The following TAF3 variants were observed in gnomAD, a reference collection of about 807,000 sequenced individuals.
TAF3 encodes TATA-box binding protein associated factor 3.
Under a neutral mutation model 80.6 loss-of-function variants are expected in TAF3, and 7 were observed. The ratio of observed to expected loss-of-function variants is 0.09; its 90% confidence interval spans 0.05 to 0.16. The LOEUF (loss-of-function observed/expected upper bound fraction) is 0.16. TAF3 is among the 10% of genes least tolerant of loss of function. The pLI is 1.00. For synonymous variants in TAF3, 444 were observed against 446.1 expected (o/e 1.00, Z 0.06); for missense variants, 921 against 1,140.2 (o/e 0.81, Z 2.77).
At chr10:7,894,058 T>C (rs903008068) in intron 2 of TAF3, among the ~76,000 whole-genome samples, 1 of 152,222 alleles carries the variant, frequency 6.6e-6, no homozygotes, top group Admixed American at 6.5e-5. Context: ...ACATTTTGTT[T>C]TATTAGTACT....
intron 2 of TAF3, among the ~76,000 whole-genome samples, chr10:7,846,466 T>C (rs1836974004): frequency 6.6e-6 from 1 of 152,232 alleles, no homozygotes; most frequent in Admixed American, 6.5e-5. Flanking sequence ...GAAAGTGTTC[T>C]TAACCCTTGG....
intron 2 of TAF3, among the ~76,000 whole-genome samples, chr10:7,916,406 G>A (rs530657305): frequency 6.6e-6 from 1 of 152,324 alleles, no homozygotes; most frequent in Admixed American, 6.5e-5. Flanking sequence ...AGTTAGCTAT[G>A]AAGTTGGATA....
chr10:7,861,862 T>C (rs767212397), intron 2 of TAF3, among the ~76,000 whole-genome samples: 1 of 152,146 alleles, frequency 6.6e-6, no homozygotes, highest in Non-Finnish European at 1.5e-5. Flanking sequence ...AACTGGAAAG[T>C]TTTTAGCTAT....
chr10:7,943,126 G>T (rs1837992099), intron 2 of TAF3, among the ~76,000 whole-genome samples: 1 of 152,122 alleles, frequency 6.6e-6, no homozygotes, highest in African/African-American at 2.4e-5. Flanking sequence ...CCAATCCTGT[G>T]GTTCCGGTTC....
intron 2 of TAF3, among the ~76,000 whole-genome samples, chr10:7,826,188 C>G (rs1209943288): frequency 6.6e-6 from 1 of 152,154 alleles, no homozygotes; most frequent in Non-Finnish European, 1.5e-5. Flanking sequence ...TTTAGGTGCT[C>G]TGGATCTTAG....
chr10:7,835,009 G>C (rs965095016), intron 2 of TAF3, among the ~76,000 whole-genome samples: 15 of 152,244 alleles, frequency 9.9e-5, no homozygotes, highest in African/African-American at 3.4e-4. Context: ...GTTTTTTCGA[G>C]TGTGTGTTTC....
chr10:7,953,365 T>G (rs979814799), intron 2 of TAF3, among the ~76,000 whole-genome samples: 1 of 152,044 alleles, frequency 6.6e-6, no homozygotes, highest in Non-Finnish European at 1.5e-5. Context: ...GGGGCAGGAG[T>G]AGCTCTGTCC....
chr10:7,845,738 T>C (rs1224898814), intron 2 of TAF3, among the ~76,000 whole-genome samples: 1 of 152,202 alleles, frequency 6.6e-6, no homozygotes, highest in Non-Finnish European at 1.5e-5. Flanking sequence ...TCATTTTCAA[T>C]TGGCCGTGTG....
chr10:7,950,396 C>T (rs889213077), intron 2 of TAF3, among the ~76,000 whole-genome samples: 4 of 151,864 alleles, frequency 2.6e-5, no homozygotes, highest in Non-Finnish European at 4.4e-5. Context: ...TTGTGTGTCT[C>T]GAGCAGAAAG....
intron 2 of TAF3, among the ~76,000 whole-genome samples, chr10:7,954,386 A>G (rs1402619898): frequency 8.3e-6 from 1 of 121,164 alleles, no homozygotes; most frequent in African/African-American, 2.8e-5. Flanking sequence ...AGTGCACTCC[A>G]TAGGCAAATG....
At chr10:7,873,605 A>G (rs1392991876) in intron 2 of TAF3, among the ~76,000 whole-genome samples, 1 of 134,606 alleles carries the variant, frequency 7.4e-6, no homozygotes, top group Non-Finnish European at 1.6e-5. Context: ...CCAAGGGAAG[A>G]CATCCGAGTT....
Position 7,941,102 on chromosome 10 carries a change from A to G in TAF3, c.410-22818A>G, listed in dbSNP as rs1374301736. ...TAAGAGTAAAAGTTAGGTTGGAAACATAGAGAGCCACAAATATGAAGCTGA... is the reference window on the plus strand; with the variant it reads ...TAAGAGTAAAAGTTAGGTTGGAAACGTAGAGAGCCACAAATATGAAGCTGA... On this transcript the variant is annotated intron_variant, in intron 2 of 6. Coordinates refer to ENST00000344293, the MANE Select transcript of TAF3 (RefSeq NM_031923.4). Among the ~76,000 whole-genome samples the G allele has an allele frequency of 3.9e-5, 6 of 152,118 alleles. No individual in the cohort carries two copies. In the East Asian group the frequency reaches 1.2e-3, roughly 29 times the overall value.
At chr10:7,924,224 C>CT (rs1837794080) in intron 2 of TAF3, among the ~76,000 whole-genome samples, 1 of 152,186 alleles carries the variant, frequency 6.6e-6, no homozygotes, top group Non-Finnish European at 1.5e-5. Flanking sequence ...AAAGCCAAAA[C>CT]TTCTTTTTTG....
intron 2 of TAF3, among the ~76,000 whole-genome samples, chr10:7,952,888 A>T (rs1838096542): frequency 6.6e-6 from 1 of 152,254 alleles, no homozygotes; most frequent in Admixed American, 6.5e-5. Flanking sequence ...GTTACATTAT[A>T]GACAGGACAA....
chr10:7,979,713 A>G (rs1831707657), intron 4 of TAF3, among the ~76,000 whole-genome samples: 1 of 152,164 alleles, frequency 6.6e-6, no homozygotes, highest in Non-Finnish European at 1.5e-5. Context: ...GAAATAGATT[A>G]CATTTTAAAT....
intron 5 of TAF3, among the ~76,000 whole-genome samples, chr10:8,012,328 A>C (rs1832063490): frequency 6.6e-6 from 1 of 152,220 alleles, no homozygotes; most frequent in African/African-American, 2.4e-5. Context: ...TGATGTTGGA[A>C]ATGCCACTTA....
intron 2 of TAF3, among the ~76,000 whole-genome samples, chr10:7,886,504 A>T (rs1287411513): frequency 6.6e-6 from 1 of 152,288 alleles, no homozygotes; most frequent in African/African-American, 2.4e-5. Context: ...TTGCATTTAT[A>T]GACCTGGCTT....
chr10:7,824,759 C>T (rs1836724969), intron 2 of TAF3, among the ~76,000 whole-genome samples, 199 bp downstream of exon 2: 1 of 152,190 alleles, frequency 6.6e-6, no homozygotes, highest in Non-Finnish European at 1.5e-5. Flanking sequence ...TAATCAAGGT[C>T]ATGTCTGAAG....
intron 2 of TAF3, among the ~76,000 whole-genome samples, chr10:7,893,204 C>A (rs971373208): frequency 6.6e-6 from 1 of 152,152 alleles, no homozygotes; most frequent in East Asian, 1.9e-4. Context: ...GGGAAAATTG[C>A]AGATTACTTC....
Sources: gnomAD v4.1 joint callset for allele counts (sites outside exome capture counted in the v4.1 genomes callset) on GRCh38, gnomAD v4.1.1 for gene constraint, MANE v1.5 for transcripts, NCBI Gene and HGNC (gene_info 2026-07-23, HGNC 2026-07-21) for gene names.